The following DZIP1 variants were observed in gnomAD, a reference collection of about 807,000 sequenced individuals.
The protein encoded by DZIP1 is cilium assembly protein DZIP1.
DZIP1 carries 97 observed loss-of-function variants against 107.6 expected under a neutral mutation model. The ratio of observed to expected loss-of-function variants is 0.90; its 90% CI spans 0.77 to 1.07. The LOEUF is 1.07. Ranked by LOEUF, DZIP1 falls within the 50% of genes least tolerant of loss-of-function variation. DZIP1 has a pLI of 0.00. For synonymous variants in DZIP1, 390 were observed against 386.4 expected (o/e 1.01, Z -0.11); for missense variants, 1,035 against 1,063.6 (o/e 0.97, Z 0.37).
intron 16 of DZIP1, among the ~76,000 whole-genome samples, chr13:95,593,599 G>A (rs955607500): frequency 4.6e-5 from 7 of 152,168 alleles, no homozygotes; most frequent in Admixed American, 2.6e-4. Flanking sequence ...CAGAATGTAA[G>A]CAGCACTGTG....
chr13:95,591,068 G>T (rs1218433366), intron 16 of DZIP1, among the ~76,000 whole-genome samples: 2 of 137,486 alleles, frequency 1.5e-5, no homozygotes, highest in Non-Finnish European at 3.1e-5. Flanking sequence ...TCGCCCTGTT[G>T]CCCAGGCTGG....
Position 95,641,575 on chromosome 13 carries a change from C to G in DZIP1, c.317G>C (p.Cys106Ser), listed in dbSNP as rs1458358586. The G allele has an allele frequency of 2.5e-6, 4 of 1,613,592 alleles. No individual in the cohort carries two copies. Among genetic ancestry groups the G allele is most frequent in the African/African-American group, 1.3e-5 (1 of 74,962 alleles). The change falls in exon 5 of 23, where the codon TGC becomes TCC. Residue 106 changes from cysteine (C) to serine (S), a missense_variant. Physicochemically the swap from Cys to Ser is moderately radical, Grantham distance 112. Coordinates refer to ENST00000376829, the MANE Select transcript of DZIP1 (RefSeq NM_198968.4). The surrounding 1 kb of genome is among the most constrained non-coding windows in gnomAD (Gnocchi z 4.3). Reference sequence around the variant, plus strand: ...GTCCACCCCCGACTGGCAGTGTGGGCACTTCTCGTCTTCCAGCTTGCAGAA... The same window carrying G: ...GTCCACCCCCGACTGGCAGTGTGGGGACTTCTCGTCTTCCAGCTTGCAGAA... ...ITFCKLEDEK[C>S]PHCQSGVDPV...
intron 15 of DZIP1, among the ~76,000 whole-genome samples, chr13:95,596,116 A>G (rs567442833): frequency 3.3e-5 from 5 of 152,300 alleles, no homozygotes; most frequent in South Asian, 4.1e-4. Flanking sequence ...GGGCTGGCCA[A>G]TGGAAGCAAG....
intron 20 of DZIP1, 53 bp downstream of exon 20, chr13:95,587,486 G>A: frequency 6.3e-7 from 1 of 1,584,598 alleles, no homozygotes. Flanking sequence ...ACACGGGTGA[G>A]GACAACTGTC....
intron 8 of DZIP1, among the ~76,000 whole-genome samples, chr13:95,623,269 T>C (rs1876126801): frequency 6.6e-6 from 1 of 152,178 alleles, no homozygotes; most frequent in Non-Finnish European, 1.5e-5. Flanking sequence ...GGTAACACAT[T>C]AACTTCAAAA....
chr13:95,594,051 T>G lies in DZIP1; in HGVS notation c.1573A>C (p.Met525Leu), dbSNP rs202106337. The G allele has an allele frequency of 6.2e-7, 1 of 1,608,270 alleles. No homozygotes were observed. The highest frequency in any genetic ancestry group is 1.1e-5 in the South Asian group (1 of 89,796). ...CTCTTCAAAGCTTTCCTTAAATGCA[T>G]TTTGTTGTTATTTAATTTCTGTTCA... ...ENEQKLNNNK[M>L]HLRKALKSNS... Residue 525 changes from methionine (M) to leucine (L), a missense_variant, in exon 16 of 23, where the codon ATG becomes CTG. Physicochemically the swap from Met to Leu is conservative, Grantham distance 15. Transcript: ENST00000376829.
intron 5 of DZIP1, among the ~76,000 whole-genome samples, chr13:95,638,085 CTT>C (rs57203833): frequency 3.1e-3 from 272 of 88,620 alleles, no homozygotes; most frequent in Middle Eastern, 0.017. Context: ...TGAGTTCAAT[CTT>C]TTTTTTTTTT....
rs745651960 is a variant in DZIP1, at chr13:95,612,068, T to C, written c.1283A>G (p.Gln428Arg). ...TCTCTGAGTTATAATCAGCTCATTC[T>C]GCTCCTGGAGTCTCTGCCCTAGCTC... ...IEELGQRLQE[Q>R]NELIITQRQQ... The change falls in exon 11 of 23, where the codon CAG becomes CGG. Residue 428 changes from glutamine to arginine, a missense_variant. Physicochemically the swap from Gln to Arg is conservative, Grantham distance 43. Coordinates refer to ENST00000376829, the MANE Select transcript of DZIP1 (RefSeq NM_198968.4). The C allele has an allele frequency of 9.9e-6, 16 of 1,613,790 alleles. No individual in the cohort carries two copies. Among genetic ancestry groups the C allele is most frequent in the South Asian group, 5.5e-5 (5 of 91,084 alleles).
chr13:95,635,271 A>G (rs1877664735), intron 5 of DZIP1, among the ~76,000 whole-genome samples: 1 of 143,292 alleles, frequency 7.0e-6, no homozygotes, highest in South Asian at 2.2e-4. Flanking sequence ...ATCATGGCTC[A>G]CTGCAGCTTT....
At position 95,611,335 on chromosome 13, in the gene DZIP1, G is replaced by A; in HGVS notation, c.1363+110C>T. The A allele has an allele frequency of 5.1e-6, 4 of 785,514 alleles. No homozygotes were observed. The South Asian group carries it at 6.6e-5, about 13-fold the overall frequency. The allele number at this position is 785,514 out of a possible 1,614,324, so 48.7% of individuals were successfully genotyped here. A position where few individuals can be genotyped will look rare whatever the true frequency, so the allele number is the denominator to read the frequency against. ...CAGATCTACGAAATCAATACAACAA[G>A]AAGAATGCCATCTTAGCACACATAA... On this transcript the variant is annotated intron_variant, in intron 12 of 22. Transcript: ENST00000376829.
Position 95,583,262 on chromosome 13 carries a change from T to TAA in DZIP1, c.2525-951_2525-950dup, listed in dbSNP as rs11295025. ...GGCAAGCTGGTGAGACCCCATCTCT[T>TAA]AAAAAAAAAAAAAAAGTAATAAAAT... is the stretch of plus-strand genomic sequence containing the variant. On this transcript the variant is annotated intron_variant, in intron 22 of 22. Coordinates refer to ENST00000376829, the MANE Select transcript of DZIP1 (RefSeq NM_198968.4). Among the ~76,000 whole-genome samples, 67 of 142,380 alleles carry TAA rather than the reference T, an allele frequency of 4.7e-4. 2 individuals are homozygous for TAA. Among genetic ancestry groups the TAA allele is most frequent in the Middle Eastern group, 3.6e-3 (1 of 278 alleles). The allele number at this position is 142,380 out of a possible 152,430, so 93.4% of individuals were successfully genotyped here.
At chr13:95,604,366 G>T in intron 14 of DZIP1, among the ~76,000 whole-genome samples, 1 of 152,212 alleles carries the variant, frequency 6.6e-6, no homozygotes, top group East Asian at 1.9e-4. Flanking sequence ...TGGCCTGACG[G>T]GGTGGGGGAC....
intron 5 of DZIP1, among the ~76,000 whole-genome samples, chr13:95,638,473 G>A (rs1878084551): frequency 6.6e-6 from 1 of 151,954 alleles, no homozygotes; most frequent in Non-Finnish European, 1.5e-5. Context: ...TAATATTTCA[G>A]TACTAATTTT....
chr13:95,593,925 C>A lies in DZIP1; in HGVS notation c.1680+19G>T. 1.3e-6 allele frequency: 2 copies of A among 1,576,396 alleles called. No individual in the cohort carries two copies. Among genetic ancestry groups the A allele is most frequent in the East Asian group, 2.3e-5 (1 of 43,848 alleles). On this transcript the variant is annotated intron_variant, in intron 16 of 22. Coordinates refer to ENST00000376829, the MANE Select transcript of DZIP1 (RefSeq NM_198968.4). Reference sequence around the variant, plus strand: ...AACACAGCAAAACTAACAAATATTCCAAAAATGAATGAACATACTGCATTA... The same window carrying A: ...AACACAGCAAAACTAACAAATATTCAAAAAATGAATGAACATACTGCATTA...
chr13:95,611,397 A>G (rs780135572), intron 12 of DZIP1, 48 bp downstream of exon 12: 3 of 1,501,398 alleles, frequency 2.0e-6, no homozygotes, highest in Non-Finnish European at 2.8e-6. Context: ...GCCCAGTGCA[A>G]TTGGGGAGGT....
intron 7 of DZIP1, among the ~76,000 whole-genome samples, chr13:95,625,656 G>A (rs190984941): frequency 1.8e-4 from 27 of 152,224 alleles, no homozygotes; most frequent in Admixed American, 1.0e-3. Context: ...TAGCAAATAC[G>A]TGGAAAGTAA....
chr13:95,623,752 C>A (rs1566413107), intron 8 of DZIP1, among the ~76,000 whole-genome samples: 1 of 152,122 alleles, frequency 6.6e-6, no homozygotes, highest in African/African-American at 2.4e-5. Context: ...ACCATCCTGG[C>A]CAACATGGTG....
At chr13:95,583,664 A>C (rs1039920611) in intron 22 of DZIP1, among the ~76,000 whole-genome samples, 44 of 152,220 alleles carry the variant, frequency 2.9e-4, no homozygotes, top group African/African-American at 1.0e-3. Context: ...CTACACGGCT[A>C]CAAGAGAAAC....
chr13:95,613,525 G>T lies in DZIP1; in HGVS notation c.1174-1348C>A, dbSNP rs118139513. Among the ~76,000 whole-genome samples the T allele has an allele frequency of 1.9e-4, 28 of 150,552 alleles. 1 individual carries two copies. The highest frequency in any genetic ancestry group is 1.3e-3 in the South Asian group (6 of 4,778). Reference sequence around the variant, plus strand: ...AGATTCCGTCTCAAAAAAAAAAAAGGCTTCATAATTGGGGTGAAGAACATT... The same window carrying T: ...AGATTCCGTCTCAAAAAAAAAAAAGTCTTCATAATTGGGGTGAAGAACATT... On this transcript the variant is annotated intron_variant, in intron 10 of 22. Coordinates refer to ENST00000376829, the MANE Select transcript of DZIP1 (RefSeq NM_198968.4).
Sources: allele counts gnomAD v4.1 joint callset (sites outside exome capture counted in the v4.1 genomes callset), GRCh38; gene constraint gnomAD v4.1.1; non-coding constraint Gnocchi (gnomAD v3.1); transcripts MANE v1.5; gene names NCBI Gene and HGNC (gene_info 2026-07-23, HGNC 2026-07-21).